Variants in PCDHGA4 observed in about 807,000 individuals in gnomAD.
PCDHGA4 encodes the protein protocadherin gamma-A4.
A neutral mutation model predicts 54.6 loss-of-function variants in PCDHGA4; 38 were observed. That is an observed-to-expected ratio of 0.70 (90% CI 0.54 to 0.91). PCDHGA4 has a LOEUF of 0.91. Among genes scored for constraint, PCDHGA4 ranks in the 40% least tolerant of loss-of-function variants. The pLI, the probability that PCDHGA4 is intolerant of heterozygous loss-of-function variation, is 0.00. For missense variants in PCDHGA4, 1,298 were observed against 1,220.9 expected (o/e 1.06, Z -0.94); for synonymous variants, 511 against 512.9 (o/e 1.00, Z 0.05).
At chr5:141,420,006 GAC>G (rs745722189) in intron 1 of PCDHGA4, 1 of 1,613,936 alleles carries the variant, frequency 6.2e-7, no homozygotes, top group African/African-American at 1.3e-5. Flanking sequence ...CTACGCCTGC[GAC>G]AGTCTTTCAG....
intron 1 of PCDHGA4, chr5:141,411,017 A>C (rs140607036): frequency 6.2e-6 from 1 of 162,372 alleles, no homozygotes; most frequent in Non-Finnish European, 1.3e-5. Context: ...CCACAGCTAA[A>C]TTTTTTGTAT....
chr5:141,448,211 T>TA (rs2098575794), intron 1 of PCDHGA4, among the ~76,000 whole-genome samples: 1 of 152,212 alleles, frequency 6.6e-6, no homozygotes, highest in East Asian at 1.9e-4. Flanking sequence ...TTTCTGTGTG[T>TA]ATGCGAATGT....
chr5:141,379,889 CTTTTTTTTTTTTTTTTT>C (rs70988800), intron 1 of PCDHGA4, among the ~76,000 whole-genome samples: 16 of 50,830 alleles, frequency 3.1e-4, no homozygotes, highest in East Asian at 2.5e-3. Flanking sequence ...GTGAAAGCCT[CTTTTTTTTTTTTTTTTT>C]TTTTTTTTTT....
At chr5:141,436,074 G>A (rs1048063491) in intron 1 of PCDHGA4, among the ~76,000 whole-genome samples, 3 of 152,058 alleles carry the variant, frequency 2.0e-5, no homozygotes, top group Non-Finnish European at 4.4e-5. Context: ...TAAGTACAGT[G>A]TTCTATAGGT....
intron 1 of PCDHGA4, chr5:141,383,860 G>A: frequency 6.2e-7 from 1 of 1,613,926 alleles, no homozygotes; most frequent in Non-Finnish European, 8.5e-7. Flanking sequence ...GGAGGTTCAG[G>A]CTCAAGATGG....
At chr5:141,360,259 G>T (rs1480469675) in intron 1 of PCDHGA4, 1 of 1,613,964 alleles carries the variant, frequency 6.2e-7, no homozygotes, top group South Asian at 1.1e-5. Flanking sequence ...AGAGGAGCTG[G>T]CCAAAAACTC....
At chr5:141,464,618 C>G (rs1425657373) in intron 1 of PCDHGA4, among the ~76,000 whole-genome samples, 2 of 152,092 alleles carry the variant, frequency 1.3e-5, no homozygotes, top group Non-Finnish European at 2.9e-5. Context: ...AGTATATTGT[C>G]AAGCTTTTTA....
chr5:141,441,362 G>A (rs1489202253), intron 1 of PCDHGA4: 1 of 152,484 alleles, frequency 6.6e-6, no homozygotes, highest in Non-Finnish European at 1.5e-5. Context: ...AACAAATGGG[G>A]CCGTGGACCA....
chr5:141,415,001 C>G (rs1326591845), intron 1 of PCDHGA4: 2 of 1,613,712 alleles, frequency 1.2e-6, no homozygotes, highest in Non-Finnish European at 1.7e-6. Context: ...GCCTGGCTGT[C>G]CTACCGTCTG....
At chr5:141,357,844 T>G (rs1760744896) in intron 1 of PCDHGA4, 1 of 624,618 alleles carries the variant, frequency 1.6e-6, no homozygotes, top group Non-Finnish European at 2.7e-6. Flanking sequence ...CAGTTGTAGT[T>G]TCAGCCAGAA....
In PCDHGA4 at chr5:141,431,570, G is replaced by A. The variant is rs754760314; in HGVS notation, c.2515-63237G>A. 7 of 1,614,172 alleles carry A rather than the reference G, an allele frequency of 4.3e-6. No individual in the cohort carries two copies. Among genetic ancestry groups the A allele is most frequent in the Non-Finnish European group, 5.9e-6 (7 of 1,180,024 alleles). ...TGTAGTCAACGCTACCGACCCTGAC[G>A]AAGGAGTCAATGCGGAAGTGAGGTA... On this transcript the variant is annotated intron_variant, in intron 1 of 3. Transcript: ENST00000571252. The surrounding 1 kb of genome is among the most constrained non-coding windows in gnomAD (Gnocchi z 4.8).
chr5:141,383,658 G>A, intron 1 of PCDHGA4: 1 of 1,614,036 alleles, frequency 6.2e-7, no homozygotes, highest in Admixed American at 1.7e-5. Context: ...CTGTCCCCGA[G>A]AATGTGCCAG....
chr5:141,402,801 G>A, intron 1 of PCDHGA4: 6 of 1,078,624 alleles, frequency 5.6e-6, no homozygotes, highest in Non-Finnish European at 7.6e-6. Context: ...CACAAAACCC[G>A]GCAGATACCA....
At position 141,356,562 on chromosome 5, in the gene PCDHGA4, T is replaced by C. The variant is rs1760257750; in HGVS notation, c.1455T>C (p.His485=). 1 of 1,614,042 alleles carries C rather than the reference T, an allele frequency of 6.2e-7. No homozygotes were observed. Among genetic ancestry groups the C allele is most frequent in the Admixed American group, 1.7e-5 (1 of 59,990 alleles). The change falls in exon 1 of 4, where the codon CAT becomes CAC. Residue 485 remains histidine (H), a synonymous_variant. Coordinates refer to ENST00000571252, the MANE Select transcript of PCDHGA4 (RefSeq NM_018917.4). ...DINDNPPTFP[H]ASYSAYIPEN... The stretch of plus-strand genomic sequence containing the variant: ...ATGACAACCCACCCACTTTCCCTCA[T>C]GCTTCCTACTCTGCTTACATTCCTG...
chr5:141,457,058 T>A (rs756862311), intron 1 of PCDHGA4, among the ~76,000 whole-genome samples: 2 of 152,230 alleles, frequency 1.3e-5, no homozygotes, highest in Non-Finnish European at 2.9e-5. Flanking sequence ...TCATGCTTCC[T>A]TTTTGCCAGT....
At chr5:141,396,847 T>G (rs2093444333) in intron 1 of PCDHGA4, among the ~76,000 whole-genome samples, 1 of 152,190 alleles carries the variant, frequency 6.6e-6, no homozygotes. Context: ...GGGAGTTAAC[T>G]TCATAGTTTG....
rs1265360670 is a variant in PCDHGA4, at chr5:141,435,001, T to A, written c.2515-59806T>A. On this transcript the variant is annotated intron_variant, in intron 1 of 3. Transcript: ENST00000571252. ...TACTCTATATCATTTTCTAGCTGAATTTATCAATGATAATGCTCTTTTCCC... is the reference window on the plus strand; with the variant it reads ...TACTCTATATCATTTTCTAGCTGAAATTATCAATGATAATGCTCTTTTCCC... Among the ~76,000 whole-genome samples the A allele has an allele frequency of 3.9e-5, 6 of 152,120 alleles. No homozygotes were observed. In the East Asian group the frequency reaches 1.2e-3, roughly 29 times the overall value.
In PCDHGA4 at chr5:141,380,794, G is replaced by A. The variant is rs116753480; in HGVS notation, c.2514+23173G>A. ...AGACTTTTTTAAAACAGTAGAATAA[G>A]AAACAAATGTGAGATGAAACTATGA... On this transcript the variant is annotated intron_variant, in intron 1 of 3. Transcript: ENST00000571252. Among the ~76,000 whole-genome samples, 564 of 152,260 alleles carry A rather than the reference G, an allele frequency of 3.7e-3. 3 individuals are homozygous for A. The highest frequency in any genetic ancestry group is 0.013 in the African/African-American group (534 of 41,542).
intron 1 of PCDHGA4, chr5:141,397,972 G>T: frequency 2.6e-6 from 3 of 1,155,564 alleles, no homozygotes; most frequent in Non-Finnish European, 3.6e-6. Flanking sequence ...ACTCCCCAGC[G>T]CCGGCCTTTA....
Sources: allele counts gnomAD v4.1 joint callset (sites outside exome capture counted in the v4.1 genomes callset), GRCh38; gene constraint gnomAD v4.1.1; non-coding constraint Gnocchi (gnomAD v3.1); transcripts MANE v1.5; gene names NCBI Gene and HGNC (gene_info 2026-07-23, HGNC 2026-07-21).